The following BANK1 variants were observed in gnomAD, a reference collection of about 807,000 sequenced individuals.
BANK1 encodes B cell scaffold protein with ankyrin repeats 1.
Under a neutral mutation model 94.5 loss-of-function variants are expected in BANK1, and 95 were observed. That is an observed-to-expected ratio of 1.00 (90% confidence interval 0.85 to 1.19). BANK1 has a LOEUF of 1.19. Ranked by LOEUF, BANK1 falls within the 50% of genes most tolerant of loss-of-function variation. BANK1 has a pLI of 0.00. For missense variants in BANK1, 987 were observed against 932.2 expected, an observed-to-expected ratio of 1.06 and a Z score of -0.77; for synonymous variants, 334 against 308.4, an observed-to-expected ratio of 1.08 and a Z score of -0.87.
chr4:102,039,724 C>T (rs1727644606), intron 10 of BANK1, among the ~76,000 whole-genome samples: 1 of 152,036 alleles, frequency 6.6e-6, no homozygotes, highest in South Asian at 2.1e-4. Context: ...GTCTTATTTA[C>T]CTTTGCACCC....
At chr4:102,057,276 TGCTCTCTC>T (rs1728259747) in intron 11 of BANK1, among the ~76,000 whole-genome samples, 1 of 150,138 alleles carries the variant, frequency 6.7e-6, no homozygotes, top group African/African-American at 2.4e-5. Context: ...CTCTCTCTCC[TGCTCTCTC>T]TCTCTTTCTC....
intron 2 of BANK1, among the ~76,000 whole-genome samples, chr4:101,851,291 C>CT (rs1365656245): frequency 6.6e-6 from 1 of 151,978 alleles, no homozygotes; most frequent in Admixed American, 6.6e-5. Flanking sequence ...GTCCTTAAGC[C>CT]TTTTTCAGAG....
intron 4 of BANK1, among the ~76,000 whole-genome samples, chr4:101,867,527 T>G (rs1209160532): frequency 6.6e-6 from 1 of 151,968 alleles, no homozygotes; most frequent in Non-Finnish European, 1.5e-5. Context: ...TTTTCCTTAT[T>G]TTTAATTGAT....
At chr4:102,071,178 A>T in intron 13 of BANK1, 97 bp from the exon 14 acceptor site, 1 of 1,363,516 alleles carries the variant, frequency 7.3e-7, no homozygotes, top group South Asian at 1.2e-5. Context: ...GCAACCTCAA[A>T]GACAAGAAGT....
intron 7 of BANK1, among the ~76,000 whole-genome samples, chr4:101,995,692 C>A (rs1378820956): frequency 1.3e-5 from 2 of 152,126 alleles, no homozygotes; most frequent in Non-Finnish European, 2.9e-5. Flanking sequence ...TCTCTAATGA[C>A]CAGTGATGAT....
At chr4:101,922,009 CGTGTGTGTGTGTGT>C (rs68027862) in intron 7 of BANK1, among the ~76,000 whole-genome samples, 222 of 129,446 alleles carry the variant, frequency 1.7e-3, no homozygotes, top group East Asian at 0.015. Context: ...ACACTGGGCC[CGTGTGTGTGTGTGT>C]GTGTGTGTGT....
intron 7 of BANK1, among the ~76,000 whole-genome samples, chr4:101,973,404 TTAAG>T (rs370023532): frequency 2.0e-5 from 3 of 152,094 alleles, no homozygotes; most frequent in African/African-American, 2.4e-5. Flanking sequence ...TCAGCTTATA[TTAAG>T]TAAGTTGCTC....
intron 4 of BANK1, among the ~76,000 whole-genome samples, chr4:101,865,841 G>A (rs191723635): frequency 3.9e-5 from 6 of 152,112 alleles, no homozygotes; most frequent in Admixed American, 3.9e-4. Flanking sequence ...CTCTGTCTCG[G>A]TAAAGTACTT....
chr4:101,933,587 G>T (rs748049053), intron 7 of BANK1, among the ~76,000 whole-genome samples: 5 of 151,574 alleles, frequency 3.3e-5, no homozygotes, highest in Middle Eastern at 3.4e-3. Context: ...ATATAATTTA[G>T]CATATATAAT....
chr4:101,851,024 A>T (rs985457886), intron 2 of BANK1, among the ~76,000 whole-genome samples: 1 of 152,170 alleles, frequency 6.6e-6, no homozygotes, highest in Non-Finnish European at 1.5e-5. Context: ...AAAGAGTCAC[A>T]CATCTCTCGC....
chr4:101,985,783 A>G (rs1725465427), intron 7 of BANK1, among the ~76,000 whole-genome samples: 1 of 152,162 alleles, frequency 6.6e-6, no homozygotes, highest in Non-Finnish European at 1.5e-5. Flanking sequence ...AACATCTAAT[A>G]GATTTCCAAT....
rs958387932 is a variant in BANK1, at chr4:101,969,797, C to G, written c.1206+51608C>G. Among the ~76,000 whole-genome samples the G allele has an allele frequency of 2.6e-5, 4 of 152,082 alleles. No homozygotes were observed. In the East Asian group the frequency reaches 5.8e-4, roughly 22 times the overall value. ...AGCAGGGAGAGTAGTGGTGTTCCCC[C>G]GCTCCACACCAGCAAAGCAAATGGT... On this transcript the variant is annotated intron_variant, in intron 7 of 16. Transcript: ENST00000322953.
At chr4:101,938,085 G>C (rs1281682894) in intron 7 of BANK1, among the ~76,000 whole-genome samples, 1 of 151,586 alleles carries the variant, frequency 6.6e-6, no homozygotes, top group Admixed American at 6.6e-5. Flanking sequence ...ACTGGGGCCT[G>C]TCAGGGGTGG....
At chr4:101,845,814 T>C (rs1727220660) in intron 2 of BANK1, among the ~76,000 whole-genome samples, 1 of 152,250 alleles carries the variant, frequency 6.6e-6, no homozygotes, top group South Asian at 2.1e-4. Context: ...TGGTAAGAAT[T>C]AATGCCTTAG....
intron 7 of BANK1, among the ~76,000 whole-genome samples, chr4:101,973,415 G>A (rs1725019847): frequency 6.6e-6 from 1 of 151,962 alleles, no homozygotes; most frequent in Admixed American, 6.6e-5. Context: ...TAAGTAAGTT[G>A]CTCAAAGCCA....
intron 1 of BANK1, among the ~76,000 whole-genome samples, chr4:101,814,738 C>A (rs920621482): frequency 6.6e-6 from 1 of 152,104 alleles, no homozygotes; most frequent in Non-Finnish European, 1.5e-5. Flanking sequence ...GTGGCTTTAA[C>A]GTTTTTGTTT....
At chr4:102,066,624 G>T (rs1237081844) in intron 13 of BANK1, among the ~76,000 whole-genome samples, 1 of 151,918 alleles carries the variant, frequency 6.6e-6, no homozygotes, top group Non-Finnish European at 1.5e-5. Context: ...TCAAAAATGT[G>T]ATAAAATAAA....
Position 102,063,111 on chromosome 4 carries a change from A to T in BANK1, c.2185A>T (p.Lys729Ter), listed in dbSNP as rs764135336. 5 of 1,612,976 alleles carry T rather than the reference A, an allele frequency of 3.1e-6. No individual in the cohort carries two copies. The highest frequency in any genetic ancestry group is 3.4e-6 in the Non-Finnish European group (4 of 1,179,136). Residue 729 changes from lysine to a stop codon, truncating the protein, a stop_gained, in exon 13 of 17, where the codon AAA becomes TAA. Transcript: ENST00000322953. LOFTEE classifies it high-confidence loss of function. ...ACAACTACGAGACTGCATTATTGGG[A>T]AAAGGCCAGAAGAAGAAAATGTCTA... ...LRQLRDCIIG[K>*]RPEEENVYNK...
chr4:101,807,543 C>G (rs1465884328), intron 1 of BANK1, among the ~76,000 whole-genome samples: 18 of 152,082 alleles, frequency 1.2e-4, no homozygotes, highest in Admixed American at 1.2e-3. Flanking sequence ...ACTATGTCTC[C>G]TGGAGATTGG....
Sources: gnomAD v4.1 joint callset for allele counts (sites outside exome capture counted in the v4.1 genomes callset) on GRCh38, gnomAD v4.1.1 for gene constraint, MANE v1.5 for transcripts, NCBI Gene and HGNC (gene_info 2026-07-23, HGNC 2026-07-21) for gene names.